The following PLA2G2C variants were observed in gnomAD, a reference collection of about 807,000 sequenced individuals.
PLA2G2C encodes the protein putative inactive group IIC secretory phospholipase A2.
PLA2G2C carries 15 observed loss-of-function variants against 14.3 expected under a neutral mutation model. That is an observed-to-expected ratio of 1.05 (90% confidence interval 0.70 to 1.62). The LOEUF is 1.62. Ranked by LOEUF, PLA2G2C falls within the 40% of genes most tolerant of loss-of-function variation. The pLI, the probability that PLA2G2C is intolerant of heterozygous loss-of-function variation, is 0.00. For synonymous variants in PLA2G2C, 79 were observed against 67.7 expected, an observed-to-expected ratio of 1.17 and a Z score of -0.82; for missense variants, 162 against 173.2, an observed-to-expected ratio of 0.94 and a Z score of 0.36.
At chr1:20,167,536 T>C (rs1249422345) in intron 4 of PLA2G2C, among the ~76,000 whole-genome samples, 1 of 152,156 alleles carries the variant, frequency 6.6e-6, no homozygotes, top group African/African-American at 2.4e-5. Context: ...CCCATCCCCA[T>C]TGTCACCATG....
At chr1:20,170,209 C>T (rs1322227130) in intron 4 of PLA2G2C, among the ~76,000 whole-genome samples, 1 of 152,210 alleles carries the variant, frequency 6.6e-6, no homozygotes, top group African/African-American at 2.4e-5. Flanking sequence ...TGTTATTGTA[C>T]CCATTTCATG....
At chr1:20,183,977 A>G (rs2018318862) in intron 1 of PLA2G2C, among the ~76,000 whole-genome samples, 2 of 152,184 alleles carry the variant, frequency 1.3e-5, no homozygotes, top group South Asian at 4.1e-4. Flanking sequence ...TGTCCTTTGA[A>G]GACATCCTCT....
rs1483459405 is a variant in PLA2G2C, at chr1:20,175,093, C to G, written c.93G>C (p.Thr31=). ...AATATGAGAAGAAGGCACTTCGCCCCGTGATGTGTTTGACCCTCCTCTGAA... is the reference window on the plus strand; with the variant it reads ...AATATGAGAAGAAGGCACTTCGCCCGGTGATGTGTTTGACCCTCCTCTGAA... The part of the protein sequence containing the change: ...WQFQRRVKHI[T]GRSAFFSYYG... The change falls in exon 3 of 5, where the codon ACG becomes ACC. Residue 31 remains threonine (T), a synonymous_variant. Coordinates refer to ENST00000679259, the MANE Select transcript of PLA2G2C (RefSeq NM_001367969.2). 2.5e-6 allele frequency: 4 copies of G among 1,613,856 alleles called. No homozygotes were observed. The East Asian group carries it at 8.9e-5, about 36-fold the overall frequency.
Position 20,176,215 on chromosome 1 carries a change from G to A in PLA2G2C, c.41-1070C>T, listed in dbSNP as rs549096260. Among the ~76,000 whole-genome samples, 11 of 152,136 alleles carry A rather than the reference G, an allele frequency of 7.2e-5. 1 individual carries two copies. In the South Asian group the frequency reaches 1.7e-3, roughly 23 times the overall value. ...ATTATAGTCATGAACAACCGCGCCC[G>A]GCCCAGCATGTGTTCCCTTCCTATT... On this transcript the variant is annotated intron_variant, in intron 2 of 4. Transcript: ENST00000679259.
intron 1 of PLA2G2C, among the ~76,000 whole-genome samples, chr1:20,183,296 T>C (rs2018303231): frequency 6.6e-6 from 1 of 152,112 alleles, no homozygotes; most frequent in Admixed American, 6.5e-5. Flanking sequence ...GGAGCCAGGA[T>C]TGATACTCAA....
At chr1:20,167,511 C>T (rs567808694) in intron 4 of PLA2G2C, among the ~76,000 whole-genome samples, 16 of 152,320 alleles carry the variant, frequency 1.1e-4, no homozygotes, top group Admixed American at 7.2e-4. Context: ...ACAGCATTGC[C>T]GACATCTGAC....
At chr1:20,171,849 C>T (rs1465737496) in intron 4 of PLA2G2C, among the ~76,000 whole-genome samples, 1 of 149,810 alleles carries the variant, frequency 6.7e-6, no homozygotes, top group Non-Finnish European at 1.5e-5. Flanking sequence ...GCAAGCTCCG[C>T]CTCCCGGGTT....
At chr1:20,166,767 C>T (rs879431589) in intron 4 of PLA2G2C, among the ~76,000 whole-genome samples, 8 of 152,164 alleles carry the variant, frequency 5.3e-5, no homozygotes, top group East Asian at 1.9e-4. Flanking sequence ...CTTTCTAATG[C>T]GTGCATCTGA....
At chr1:20,169,350 T>G (rs953596082) in intron 4 of PLA2G2C, among the ~76,000 whole-genome samples, 4 of 151,968 alleles carry the variant, frequency 2.6e-5, no homozygotes, top group African/African-American at 9.7e-5. Flanking sequence ...GCTAATTGTT[T>G]GTATGTTTAG....
chr1:20,181,018 G>A (rs2018270537), intron 1 of PLA2G2C, among the ~76,000 whole-genome samples: 1 of 152,218 alleles, frequency 6.6e-6, no homozygotes, highest in Non-Finnish European at 1.5e-5. Context: ...TATCCCTAGT[G>A]CCTTCTTATC....
chr1:20,182,453 T>C (rs1446401399), intron 1 of PLA2G2C, among the ~76,000 whole-genome samples: 2 of 152,238 alleles, frequency 1.3e-5, no homozygotes, highest in Non-Finnish European at 2.9e-5. Context: ...CTATACCATA[T>C]AACCTAGGTG....
chr1:20,183,816 G>A (rs1054507049), intron 1 of PLA2G2C, among the ~76,000 whole-genome samples: 1 of 152,214 alleles, frequency 6.6e-6, no homozygotes, highest in Non-Finnish European at 1.5e-5. Flanking sequence ...GGAGCAAGCT[G>A]GCTGCAGCCC....
chr1:20,182,236 G>A (rs374755938), intron 1 of PLA2G2C, among the ~76,000 whole-genome samples: 5 of 152,212 alleles, frequency 3.3e-5, no homozygotes, highest in African/African-American at 1.2e-4. Context: ...CCACACATAC[G>A]ATGGTGGTCC....
chr1:20,178,467 G>A (rs1481681191), intron 1 of PLA2G2C, among the ~76,000 whole-genome samples: 1 of 152,192 alleles, frequency 6.6e-6, no homozygotes, highest in Non-Finnish European at 1.5e-5. Context: ...GTTAATCAGG[G>A]TGTCTTTGCT....
chr1:20,174,063 G>A (rs945658168), intron 3 of PLA2G2C, among the ~76,000 whole-genome samples: 68 of 152,160 alleles, frequency 4.5e-4, no homozygotes, highest in African/African-American at 1.5e-3. Context: ...CATTCCCTGC[G>A]AGAATTAAAT....
Position 20,179,260 on chromosome 1 carries a change from T to C in PLA2G2C, c.-76-1821A>G, listed in dbSNP as rs866507379. Among the ~76,000 whole-genome samples the C allele has an allele frequency of 1.6e-4, 24 of 150,652 alleles. No individual in the cohort carries two copies. The Middle Eastern group carries it at 0.014, about 86-fold the overall frequency. ...TGTTAGCTTGTTCTTCTGTGTCAGC[T>C]TCTCCCTCTATGTCAGTTTCTGTGT... On this transcript the variant is annotated intron_variant, in intron 1 of 4. Coordinates refer to ENST00000679259, the MANE Select transcript of PLA2G2C (RefSeq NM_001367969.2).
At chr1:20,167,884 G>A (rs776767221) in intron 4 of PLA2G2C, among the ~76,000 whole-genome samples, 1 of 152,162 alleles carries the variant, frequency 6.6e-6, no homozygotes, top group Non-Finnish European at 1.5e-5. Flanking sequence ...ACCCCCAAAC[G>A]CTGTCATTTT....
Position 20,164,083 on chromosome 1 carries a change from G to T in PLA2G2C, c.358C>A (p.His120Asn). Residue 120 changes from histidine to asparagine, a missense_variant, in exon 5 of 5, where the codon CAC becomes AAC. Coordinates refer to ENST00000679259, the MANE Select transcript of PLA2G2C (RefSeq NM_001367969.2). ...GTGGGCAGGCTCTCTTTGAAGCAGT[G>T]CACGGATTGCTTGTCACACTCACAG... ...KACECDKQSV[H>N]CFKESLPTYE... 1 of 1,613,916 alleles carries T rather than the reference G, an allele frequency of 6.2e-7. No homozygotes were observed. Among genetic ancestry groups the T allele is most frequent in the Non-Finnish European group, 8.5e-7 (1 of 1,179,850 alleles).
rs2018133570 is a variant in PLA2G2C at position 20,173,860 on chromosome 1, A to G, written c.180-963T>C. Among the ~76,000 whole-genome samples, 5 of 152,228 alleles carry G rather than the reference A, an allele frequency of 3.3e-5. No individual in the cohort carries two copies. In the South Asian group the frequency reaches 1.0e-3, roughly 32 times the overall value. ...TGCTGTTGATCAGCTTTGGCTAATG[A>G]TGTTCAATTTCTAATCAGCCTTTGG... is the stretch of plus-strand genomic sequence containing the variant. On this transcript the variant is annotated intron_variant, in intron 3 of 4. Transcript: ENST00000679259.
Sources: allele counts gnomAD v4.1 joint callset (sites outside exome capture counted in the v4.1 genomes callset), GRCh38; gene constraint gnomAD v4.1.1; transcripts MANE v1.5; gene names NCBI Gene and HGNC (gene_info 2026-07-23, HGNC 2026-07-21).